The following TAF4B variants were observed in gnomAD, a reference collection of about 807,000 sequenced individuals.
The protein encoded by TAF4B is TATA-box binding protein associated factor 4b.
In TAF4B, 38 loss-of-function variants were observed where a neutral mutation model predicts 86.4. The observed-to-expected ratio is 0.44, with a 90% CI of 0.34 to 0.58. The LOEUF (loss-of-function observed/expected upper bound fraction) is 0.58. TAF4B is among the 20% of genes least tolerant of loss of function. The pLI is 0.02. For synonymous variants in TAF4B, 388 were observed against 391.2 expected, an observed-to-expected ratio of 0.99 and a Z score of 0.10; for missense variants, 988 against 1,027.6, an observed-to-expected ratio of 0.96 and a Z score of 0.53.
chr18:26,381,351 A>G (rs1257203655), intron 14 of TAF4B, among the ~76,000 whole-genome samples: 1 of 151,842 alleles, frequency 6.6e-6, no homozygotes, highest in Non-Finnish European at 1.5e-5. Context: ...GACTCTGTTC[A>G]GAGGTACAAT....
intron 1 of TAF4B, among the ~76,000 whole-genome samples, chr18:26,244,382 G>A (rs750282352): frequency 3.3e-5 from 5 of 152,246 alleles, no homozygotes; most frequent in African/African-American, 7.2e-5. Flanking sequence ...AGCCAGGCGC[G>A]TGATATAATC....
In TAF4B at chr18:26,260,221, T is replaced by C. The variant is rs372475577; in HGVS notation, c.344-4949T>C. Reference sequence around the variant, plus strand: ...GGTAGATTGCAAAAATTTTCTCCCATTCTGTAGGTTGCCTGTTCACTCTGA... The same window carrying C: ...GGTAGATTGCAAAAATTTTCTCCCACTCTGTAGGTTGCCTGTTCACTCTGA... On this transcript the variant is annotated intron_variant, in intron 1 of 14. Transcript: ENST00000269142. Among the ~76,000 whole-genome samples the C allele has an allele frequency of 1.8e-4, 28 of 152,318 alleles. No homozygotes were observed. In the South Asian group the frequency reaches 3.3e-3, roughly 18 times the overall value.
rs1392012106 is a variant in TAF4B, at chr18:26,391,298, A to T, written c.*1286A>T. The T allele has an allele frequency of 2.0e-5, 3 of 151,978 alleles. No individual in the cohort carries two copies. Among genetic ancestry groups the T allele is most frequent in the South Asian group, 2.1e-4 (1 of 4,828 alleles). The allele number at this position is 151,978 out of a possible 1,614,324, so 9.4% of individuals were successfully genotyped here. A position where few individuals can be genotyped will look rare whatever the true frequency, so the allele number is the denominator to read the frequency against. ...TAGTTAGAATCACATACAGAAAAAA[A>T]ATGATTGAATCCTCCAAGAAGGTAT... is the stretch of plus-strand genomic sequence containing the variant. On this transcript the variant is annotated 3_prime_UTR_variant, in exon 15 of 15. Coordinates refer to ENST00000269142, the MANE Select transcript of TAF4B (RefSeq NM_005640.3).
chr18:26,308,437 A>G (rs951932833), intron 9 of TAF4B, among the ~76,000 whole-genome samples: 5 of 152,158 alleles, frequency 3.3e-5, no homozygotes, highest in African/African-American at 1.2e-4. Flanking sequence ...AGAGGTAGGT[A>G]CACCATGAAG....
intron 9 of TAF4B, among the ~76,000 whole-genome samples, chr18:26,307,749 G>T (rs2056809330): frequency 6.6e-6 from 1 of 152,036 alleles, no homozygotes; most frequent in Non-Finnish European, 1.5e-5. Context: ...CATACTGCAG[G>T]AATTAGATTG....
chr18:26,364,975 G>T (rs1330234725), intron 14 of TAF4B, among the ~76,000 whole-genome samples: 1 of 147,968 alleles, frequency 6.8e-6, no homozygotes, highest in Non-Finnish European at 1.5e-5. Context: ...CTAGAAGCAG[G>T]TTAAAGTGCT....
intron 12 of TAF4B, among the ~76,000 whole-genome samples, chr18:26,331,891 C>T (rs915258531): frequency 1.3e-5 from 2 of 152,142 alleles, no homozygotes; most frequent in African/African-American, 4.8e-5. Context: ...TGCCTAAAAG[C>T]CTCCAGTGGC....
intron 11 of TAF4B, among the ~76,000 whole-genome samples, chr18:26,325,416 T>C (rs927451253): frequency 6.6e-6 from 1 of 152,156 alleles, no homozygotes; most frequent in Non-Finnish European, 1.5e-5. Context: ...GCCAGCTGGG[T>C]ATATAGGAAG....
intron 10 of TAF4B, among the ~76,000 whole-genome samples, chr18:26,316,258 A>G (rs1466667735): frequency 6.6e-6 from 1 of 152,122 alleles, no homozygotes; most frequent in Non-Finnish European, 1.5e-5. Flanking sequence ...ATTTTTATAG[A>G]CCTATGGTAT....
At chr18:26,338,500 C>T (rs1197453697) in intron 13 of TAF4B, among the ~76,000 whole-genome samples, 2 of 62,544 alleles carry the variant, frequency 3.2e-5, no homozygotes, top group African/African-American at 6.2e-5. Context: ...TTTTGGGAGA[C>T]GGAATTTCGC....
At chr18:26,295,756 C>CT (rs1325236156) in intron 9 of TAF4B, among the ~76,000 whole-genome samples, 5 of 151,948 alleles carry the variant, frequency 3.3e-5, no homozygotes, top group African/African-American at 1.2e-4. Context: ...TTTGTATTAC[C>CT]TTTTTTTTAA....
At chr18:26,290,762 T>C (rs2144607761) in intron 7 of TAF4B, among the ~76,000 whole-genome samples, 1 of 152,314 alleles carries the variant, frequency 6.6e-6, no homozygotes, top group South Asian at 2.1e-4. Flanking sequence ...TATTACTGTC[T>C]TTCATAATTA....
chr18:26,299,178 T>A (rs7240857), intron 9 of TAF4B, among the ~76,000 whole-genome samples: 53,469 of 151,358 alleles, frequency 0.35, 11,494 homozygotes, highest in East Asian at 0.81. Flanking sequence ...TTTTCTTTTT[T>A]AAGGCACAGT....
At chr18:26,381,525 G>A (rs936927843) in intron 14 of TAF4B, among the ~76,000 whole-genome samples, 8 of 151,678 alleles carry the variant, frequency 5.3e-5, no homozygotes, top group African/African-American at 1.7e-4. Context: ...TCAGGAGTTC[G>A]AGACCAGCCT....
chr18:26,268,727 G>A (rs901963954), intron 3 of TAF4B, among the ~76,000 whole-genome samples: 4 of 152,180 alleles, frequency 2.6e-5, no homozygotes, highest in Admixed American at 6.6e-5. Context: ...CTCTTCCTAA[G>A]ATAATTACTC....
chr18:26,322,965 C>T lies in TAF4B; in HGVS notation c.2133+1765C>T, dbSNP rs566520320. On this transcript the variant is annotated intron_variant, in intron 11 of 14. Transcript: ENST00000269142. ...TTTCATTTATCTTTAAATATTTTCT[C>T]ATTTCTTTTGAGATTTATTTGATTC... 1.7e-4 allele frequency among the ~76,000 whole-genome samples: 26 copies of T among 152,034 alleles called. No homozygotes were observed. The South Asian group carries it at 3.1e-3, about 18-fold the overall frequency.
At chr18:26,267,760 A>G in intron 3 of TAF4B, 137 bp downstream of exon 3, 1 of 616,468 alleles carries the variant, frequency 1.6e-6, no homozygotes, top group Non-Finnish European at 2.9e-6. Context: ...GGCACTTATC[A>G]AACTGGGAAC....
At position 26,259,338 on chromosome 18, in the gene TAF4B, G is replaced by A. The variant is rs145315371; in HGVS notation, c.344-5832G>A. Reference sequence around the variant, plus strand: ...CTAGGGTACATGTACACAACATGCAGGTTTGTTACATATGTATACATGTGC... The same window carrying A: ...CTAGGGTACATGTACACAACATGCAAGTTTGTTACATATGTATACATGTGC... On this transcript the variant is annotated intron_variant, in intron 1 of 14. Transcript: ENST00000269142. 7.4e-3 allele frequency among the ~76,000 whole-genome samples: 1,119 copies of A among 151,612 alleles called. 12 individuals are homozygous for A. Among genetic ancestry groups the A allele is most frequent in the African/African-American group, 0.026 (1,065 of 41,300 alleles).
At chr18:26,310,555 A>G (rs1038487724) in intron 9 of TAF4B, among the ~76,000 whole-genome samples, 1 of 152,320 alleles carries the variant, frequency 6.6e-6, no homozygotes, top group East Asian at 1.9e-4. Flanking sequence ...GAGAGGTGAA[A>G]AAAGAATATT....
Sources: allele counts gnomAD v4.1 joint callset (sites outside exome capture counted in the v4.1 genomes callset), GRCh38; gene constraint gnomAD v4.1.1; transcripts MANE v1.5; gene names NCBI Gene and HGNC (gene_info 2026-07-23, HGNC 2026-07-21).